MPDZ: variants seen among roughly 807,000 people sequenced by gnomAD.
MPDZ encodes multiple PDZ domain protein.
MPDZ carries 234 observed loss-of-function variants against 239.1 expected under a neutral mutation model. That is an observed-to-expected ratio of 0.98 (90% confidence interval 0.88 to 1.09). MPDZ has a LOEUF of 1.09. MPDZ is among the 50% of genes least tolerant of loss of function. The pLI is 0.00. For synonymous variants in MPDZ, 1,048 were observed against 881.3 expected (o/e 1.19, Z -3.35); for missense variants, 3,175 against 2,510.0 (o/e 1.26, Z -5.66).
chr9:13,237,999 G>C (rs1964510674), intron 3 of MPDZ, among the ~76,000 whole-genome samples: 1 of 152,108 alleles, frequency 6.6e-6, no homozygotes, highest in African/African-American at 2.4e-5. Flanking sequence ...TTATTGATTT[G>C]GTTTCAGATT....
chr9:13,118,823 G>C (rs1586928018), intron 39 of MPDZ, among the ~76,000 whole-genome samples: 1 of 152,124 alleles, frequency 6.6e-6, no homozygotes, highest in Non-Finnish European at 1.5e-5. Context: ...GATCCTTCAT[G>C]GTGAGTTTGC....
At chr9:13,220,202 G>T (rs1958919788) in intron 7 of MPDZ, among the ~76,000 whole-genome samples, 1 of 151,920 alleles carries the variant, frequency 6.6e-6, no homozygotes, top group Non-Finnish European at 1.5e-5. Flanking sequence ...ACAACTTTCT[G>T]CCTGGCTATT....
chr9:13,262,646 C>G (rs1970957116), intron 1 of MPDZ, among the ~76,000 whole-genome samples: 1 of 151,066 alleles, frequency 6.6e-6, no homozygotes, highest in African/African-American at 2.4e-5. Context: ...CTCTAGCAAT[C>G]TAAAAGAGGT....
intron 38 of MPDZ, among the ~76,000 whole-genome samples, chr9:13,120,959 A>G (rs2131579383): frequency 6.6e-6 from 1 of 152,334 alleles, no homozygotes; most frequent in East Asian, 1.9e-4. Flanking sequence ...CTGAGATCAG[A>G]TCCAGATGGG....
At chr9:13,203,328 T>C (rs1287678724) in intron 12 of MPDZ, among the ~76,000 whole-genome samples, 1 of 152,132 alleles carries the variant, frequency 6.6e-6, no homozygotes, top group Non-Finnish European at 1.5e-5. Context: ...TCTGCTGTGT[T>C]TACACAGCTA....
At position 13,247,685 on chromosome 9, in the gene MPDZ, A is replaced by G; in HGVS notation, c.133T>C (p.Phe45Leu). ...GTCTGAAGGCTCAGAATCTGACTGA[A>G]GAGAGGGCTCTGCAGGACTGACTTC... ...LLKSVLQSPLFSQILSLQTSV... is the reference protein window; with the variant it reads ...LLKSVLQSPLLSQILSLQTSV... Residue 45 changes from phenylalanine to leucine, a missense_variant, in exon 3 of 47, where the codon TTC becomes CTC. Physicochemically the swap from Phe to Leu is conservative, Grantham distance 22. Transcript: ENST00000319217. 1 of 1,613,528 alleles carries G rather than the reference A, an allele frequency of 6.2e-7. No homozygotes were observed. Among genetic ancestry groups the G allele is most frequent in the South Asian group, 1.1e-5 (1 of 91,058 alleles).
At chr9:13,266,589 G>T (rs566397521) in intron 1 of MPDZ, among the ~76,000 whole-genome samples, 1 of 152,080 alleles carries the variant, frequency 6.6e-6, no homozygotes. Context: ...AGAAAATTTT[G>T]TAAGCTTTTA....
At chr9:13,178,985 T>C (rs1471361900) in intron 19 of MPDZ, among the ~76,000 whole-genome samples, 11 of 152,178 alleles carry the variant, frequency 7.2e-5, no homozygotes, top group Non-Finnish European at 1.6e-4. Context: ...TTTCAGGGTA[T>C]GGTGTGAGAT....
chr9:13,189,032 A>G, intron 16 of MPDZ, 39 bp from the exon 17 acceptor site: 1 of 1,574,310 alleles, frequency 6.4e-7, no homozygotes. Flanking sequence ...CTCATTTTAC[A>G]AAGAAAATTC....
At chr9:13,229,468 C>G (rs994836078) in intron 3 of MPDZ, among the ~76,000 whole-genome samples, 1 of 151,426 alleles carries the variant, frequency 6.6e-6, no homozygotes, top group Admixed American at 6.6e-5. Flanking sequence ...AGACCAACAG[C>G]TGACTTCTCA....
At chr9:13,220,598 G>C (rs547416367) in intron 7 of MPDZ, among the ~76,000 whole-genome samples, 1 of 151,984 alleles carries the variant, frequency 6.6e-6, no homozygotes, top group East Asian at 1.9e-4. Flanking sequence ...TGTTTAAAAG[G>C]AAGAAAAATT....
At chr9:13,138,789 C>T (rs918482533) in intron 28 of MPDZ, among the ~76,000 whole-genome samples, 1 of 152,180 alleles carries the variant, frequency 6.6e-6, no homozygotes, top group East Asian at 1.9e-4. Flanking sequence ...TGACGCCTCA[C>T]GCAGGTGCTC....
intron 25 of MPDZ, among the ~76,000 whole-genome samples, chr9:13,148,498 C>T (rs1587254182): frequency 6.6e-6 from 1 of 152,068 alleles, no homozygotes; most frequent in Admixed American, 6.6e-5. Flanking sequence ...TTGCATAGAA[C>T]ATTATTATCT....
At chr9:13,108,556 C>T (rs1941875358) in intron 46 of MPDZ, among the ~76,000 whole-genome samples, 1 of 151,592 alleles carries the variant, frequency 6.6e-6, no homozygotes, top group Non-Finnish European at 1.5e-5. Context: ...TTTTATATTT[C>T]ACAACAAAAA....
chr9:13,222,241 A>G lies in MPDZ; in HGVS notation c.739T>C (p.Ser247Pro), dbSNP rs1471970656. The G allele has an allele frequency of 5.0e-6, 8 of 1,612,090 alleles. No individual in the cohort carries two copies. Among genetic ancestry groups the G allele is most frequent in the Admixed American group, 1.7e-5 (1 of 59,806 alleles). Reference protein sequence around the residue: ...PSAASTISAHSNPVHWQHMET... With the variant: ...PSAASTISAHPNPVHWQHMET... ...AAATTTTAGGTACTCACCGGATTAG[A>G]GTGAGCTGAAATTGTGCTGGCTGCA... The change falls in exon 6 of 47, where the codon TCT (serine) becomes CCT (proline). Residue 247 changes from serine (S) to proline (P), a missense_variant. Transcript: ENST00000319217.
At chr9:13,267,789 ACT>A (rs1410532658) in intron 1 of MPDZ, among the ~76,000 whole-genome samples, 1 of 151,928 alleles carries the variant, frequency 6.6e-6, no homozygotes, top group African/African-American at 2.4e-5. Context: ...GATTTGGAAA[ACT>A]CTCAGAAAAT....
chr9:13,117,830 ACTT>A (rs1943710742), intron 39 of MPDZ, among the ~76,000 whole-genome samples: 1 of 150,966 alleles, frequency 6.6e-6, no homozygotes, highest in Admixed American at 6.6e-5. Context: ...TTCATTATAT[ACTT>A]TCAGATTAGC....
chr9:13,108,995 C>T lies in MPDZ; in HGVS notation c.6007G>A (p.Gly2003Arg). Residue 2003 changes from glycine (G) to arginine (R), a missense_variant, in exon 46 of 47, where the codon GGA (glycine) becomes AGA (arginine). Physicochemically the swap from Gly to Arg is moderately radical, Grantham distance 125. Transcript: ENST00000319217. ...GPDGLGFSIV[G>R]GYGSPHGDLP... ...TCTCCATGAGGGCTGCCATATCCTC[C>T]AACTATACTGAAGCCTAAGCCATCT... 1 of 1,604,270 alleles carries T rather than the reference C, an allele frequency of 6.2e-7. No homozygotes were observed. The highest frequency in any genetic ancestry group is 8.5e-7 in the Non-Finnish European group (1 of 1,174,726).
At chr9:13,156,196 C>T (rs1351716765) in intron 24 of MPDZ, among the ~76,000 whole-genome samples, 2 of 152,122 alleles carry the variant, frequency 1.3e-5, no homozygotes, top group Non-Finnish European at 2.9e-5. Context: ...CTATTATTAA[C>T]CTCATTTTAC....
Sources: allele counts gnomAD v4.1 joint callset (sites outside exome capture counted in the v4.1 genomes callset), GRCh38; gene constraint gnomAD v4.1.1; transcripts MANE v1.5; gene names NCBI Gene and HGNC (gene_info 2026-07-23, HGNC 2026-07-21).